XXYLT1: variants seen among roughly 807,000 people sequenced by gnomAD.
XXYLT1 encodes the protein UDP-xylose:alpha-xyloside alpha-1,3-xylosyltransferase.
Under a neutral mutation model 28.9 loss-of-function variants are expected in XXYLT1, and 20 were observed. The observed-to-expected ratio is 0.69, with a 90% CI of 0.49 to 1.00. The LOEUF is 1.00. XXYLT1 is among the 50% of genes least tolerant of loss of function. The pLI is 0.00. For synonymous variants in XXYLT1, 257 were observed against 253.8 expected (o/e 1.01, Z -0.12); for missense variants, 542 against 560.1 (o/e 0.97, Z 0.33).
chr3:195,253,820 C>A (rs1044164487), intron 1 of XXYLT1, among the ~76,000 whole-genome samples: 2 of 152,122 alleles, frequency 1.3e-5, no homozygotes, highest in African/African-American at 4.8e-5. Context: ...CTGATCAAAG[C>A]GAAAGCCACT....
chr3:195,076,587 T>C lies in XXYLT1; in HGVS notation c.786-6476A>G, dbSNP rs2642392. Reference sequence around the variant, plus strand: ...GGCTGCCATCGCAAAGTACCACCAATGGGGCGGCTTCAGCAGCAGAAAGGT... The same window carrying C: ...GGCTGCCATCGCAAAGTACCACCAACGGGGCGGCTTCAGCAGCAGAAAGGT... On this transcript the variant is annotated intron_variant, in intron 3 of 3. Coordinates refer to ENST00000310380, the MANE Select transcript of XXYLT1 (RefSeq NM_152531.5). This position sits in a 1 kb window ranked among gnomAD's most constrained non-coding sequence, Gnocchi z 5.3. Among the ~76,000 whole-genome samples the C allele has an allele frequency of 0.14, 21,496 of 152,096 alleles. 1,684 individuals are homozygous for C. Among genetic ancestry groups the C allele is most frequent in the East Asian group, 0.3 (1,540 of 5,162 alleles).
At chr3:195,183,789 C>A (rs564978227) in intron 2 of XXYLT1, among the ~76,000 whole-genome samples, 21 of 152,162 alleles carry the variant, frequency 1.4e-4, no homozygotes, top group Non-Finnish European at 2.8e-4. Context: ...AGGAAAGGGG[C>A]AATTTGGGAC....
Position 195,250,926 on chromosome 3 carries a change from C to T in XXYLT1, c.504+19629G>A, listed in dbSNP as rs189512438. Among the ~76,000 whole-genome samples the T allele has an allele frequency of 3.3e-5, 5 of 152,306 alleles. No homozygotes were observed. In the East Asian group the frequency reaches 5.8e-4, roughly 18 times the overall value. ...GGCTTCAGATAGCAGCAATACTGGA[C>T]GGGGTTACATGGATCTTAAAAATGC... is the stretch of plus-strand genomic sequence containing the variant. On this transcript the variant is annotated intron_variant, in intron 1 of 3. Transcript: ENST00000310380.
At chr3:195,220,333 G>A (rs1486901587) in intron 2 of XXYLT1, among the ~76,000 whole-genome samples, 3 of 152,114 alleles carry the variant, frequency 2.0e-5, no homozygotes, top group South Asian at 2.1e-4. Context: ...TAGTAGAAAT[G>A]GGGTTTCACC....
intron 1 of XXYLT1, among the ~76,000 whole-genome samples, chr3:195,251,882 G>C (rs1239260813): frequency 6.6e-6 from 1 of 152,188 alleles, no homozygotes. Context: ...GCCCCTTCCA[G>C]GCGTGACCCT....
chr3:195,187,677 G>A (rs1722262045), intron 2 of XXYLT1, among the ~76,000 whole-genome samples: 1 of 152,136 alleles, frequency 6.6e-6, no homozygotes, highest in South Asian at 2.1e-4. Flanking sequence ...TGCACATTGA[G>A]GTAGAGTCCC....
At chr3:195,228,492 T>G (rs1447471354) in intron 1 of XXYLT1, among the ~76,000 whole-genome samples, 2 of 145,236 alleles carry the variant, frequency 1.4e-5, no homozygotes, top group South Asian at 4.6e-4. Context: ...TTCACTTTTT[T>G]TTTTTTTTTT....
intron 2 of XXYLT1, among the ~76,000 whole-genome samples, chr3:195,196,923 A>C (rs779820127): frequency 6.6e-6 from 1 of 152,204 alleles, no homozygotes; most frequent in Non-Finnish European, 1.5e-5. Flanking sequence ...AGCAGGAGGA[A>C]AAATATTTTA....
chr3:195,252,103 C>T (rs1432568953), intron 1 of XXYLT1, among the ~76,000 whole-genome samples: 3 of 152,206 alleles, frequency 2.0e-5, no homozygotes, highest in African/African-American at 7.2e-5. Flanking sequence ...ATCTCATACT[C>T]ACAATGAAAT....
intron 2 of XXYLT1, among the ~76,000 whole-genome samples, chr3:195,160,816 C>T (rs1720833383): frequency 6.6e-6 from 1 of 152,208 alleles, no homozygotes; most frequent in Non-Finnish European, 1.5e-5. Context: ...GACGCACAGA[C>T]CCAGGGCGTG....
At position 195,255,984 on chromosome 3, in the gene XXYLT1, C is replaced by T. The variant is rs1001860063; in HGVS notation, c.504+14571G>A. Among the ~76,000 whole-genome samples, 1 of 152,132 alleles carries T rather than the reference C, an allele frequency of 6.6e-6. No individual in the cohort carries two copies. Among genetic ancestry groups the T allele is most frequent in the Admixed American group, 6.5e-5 (1 of 15,284 alleles). ...GAGGGAAGGTCCACCCCGGGCAGCCCTGGGATTCCCCTGTTCTGTGCCACC... is the reference window on the plus strand; with the variant it reads ...GAGGGAAGGTCCACCCCGGGCAGCCTTGGGATTCCCCTGTTCTGTGCCACC... On this transcript the variant is annotated intron_variant, in intron 1 of 3. Coordinates refer to ENST00000310380, the MANE Select transcript of XXYLT1 (RefSeq NM_152531.5). This position sits in a 1 kb window ranked among gnomAD's most constrained non-coding sequence, Gnocchi z 4.5.
chr3:195,270,138 T>C (rs1388259895), intron 1 of XXYLT1: 4 of 397,452 alleles, frequency 1.0e-5, no homozygotes, highest in Non-Finnish European at 1.9e-5. Flanking sequence ...TCCAGAGGCC[T>C]CACCAAGGCC....
chr3:195,113,087 T>G (rs1371674359), intron 3 of XXYLT1, among the ~76,000 whole-genome samples: 1 of 152,228 alleles, frequency 6.6e-6, no homozygotes, highest in Admixed American at 6.5e-5. Context: ...ACCCAGAGGC[T>G]GTGTGAAGAT....
At chr3:195,101,705 T>A (rs1716782581) in intron 3 of XXYLT1, among the ~76,000 whole-genome samples, 2 of 151,178 alleles carry the variant, frequency 1.3e-5, no homozygotes, top group African/African-American at 4.9e-5. Context: ...GTGTTCCTGT[T>A]ATCCTAGCTA....
At chr3:195,199,409 A>C (rs1722758681) in intron 2 of XXYLT1, among the ~76,000 whole-genome samples, 1 of 152,168 alleles carries the variant, frequency 6.6e-6, no homozygotes, top group African/African-American at 2.4e-5. Flanking sequence ...CAGGAGATCG[A>C]GACCATCCTG....
chr3:195,213,373 T>C (rs1006096455), intron 2 of XXYLT1, among the ~76,000 whole-genome samples: 3 of 151,816 alleles, frequency 2.0e-5, no homozygotes, highest in Non-Finnish European at 4.4e-5. Flanking sequence ...CAAGTGATTC[T>C]CCTGCCTCAG....
At chr3:195,265,117 G>A (rs1224651755) in intron 1 of XXYLT1, among the ~76,000 whole-genome samples, 1 of 151,856 alleles carries the variant, frequency 6.6e-6, no homozygotes, top group African/African-American at 2.4e-5. Flanking sequence ...CATTTGTAAT[G>A]CCAGCACTTT....
intron 1 of XXYLT1, among the ~76,000 whole-genome samples, chr3:195,238,533 C>G (rs561647394): frequency 6.6e-6 from 1 of 152,356 alleles, no homozygotes; most frequent in East Asian, 1.9e-4. Flanking sequence ...TACATCCATA[C>G]AGGTTTGCTA....
intron 1 of XXYLT1, among the ~76,000 whole-genome samples, chr3:195,239,346 A>G (rs1030029320): frequency 6.6e-6 from 1 of 152,182 alleles, no homozygotes; most frequent in Non-Finnish European, 1.5e-5. Context: ...GGGGGCAGCA[A>G]AGCAAGAGTG....
Sources: allele counts gnomAD v4.1 joint callset (sites outside exome capture counted in the v4.1 genomes callset), GRCh38; gene constraint gnomAD v4.1.1; non-coding constraint Gnocchi (gnomAD v3.1); transcripts MANE v1.5; gene names NCBI Gene and HGNC (gene_info 2026-07-23, HGNC 2026-07-21).